The following IGFLR1 variants were observed in gnomAD, a reference collection of about 807,000 sequenced individuals.
IGFLR1 encodes the protein IGF like family receptor 1, also known as IGF-like family receptor 1.
IGFLR1 carries 17 observed loss-of-function variants against 23.4 expected under a neutral mutation model. That is an observed-to-expected ratio of 0.73 (90% CI 0.50 to 1.09). The LOEUF (loss-of-function observed/expected upper bound fraction) is 1.09, where lower values mean the gene tolerates loss of function less well. Among genes scored for constraint, IGFLR1 ranks in the 50% least tolerant of loss-of-function variants. IGFLR1 has a pLI of 0.00. For missense variants in IGFLR1, 556 were observed against 459.2 expected (o/e 1.21, Z -1.93); for synonymous variants, 265 against 210.7 (o/e 1.26, Z -2.23).
chr19:35,741,816 C>CA (rs796886386), intron 1 of IGFLR1, among the ~76,000 whole-genome samples: 11 of 148,794 alleles, frequency 7.4e-5, no homozygotes, highest in South Asian at 2.1e-4. Flanking sequence ...TCTCTAAAAA[C>CA]AAAAAAAACT....
In IGFLR1 at chr19:35,739,067, G is replaced by T. The variant is rs944133312; in HGVS notation, c.*213C>A. ...CAACACAGCAACTGTCTGTAGCAGG[G>T]TTGTTTCCCAGAGGGGATTCTGGTG... On this transcript the variant is annotated 3_prime_UTR_variant, in exon 5 of 5. Transcript: ENST00000246532. 2 of 581,738 alleles carry T rather than the reference G, an allele frequency of 3.4e-6. No individual in the cohort carries two copies. The highest frequency in any genetic ancestry group is 6.1e-6 in the Non-Finnish European group (2 of 330,118). The allele number at this position is 581,738 out of a possible 1,614,324, so 36.0% of individuals were successfully genotyped here.
At position 35,739,056 on chromosome 19, in the gene IGFLR1, T is replaced by A; in HGVS notation, c.*224A>T. On this transcript the variant is annotated 3_prime_UTR_variant, in exon 5 of 5. Transcript: ENST00000246532. ...TCAGAACAACACAACACAGCAACTGTCTGTAGCAGGGTTGTTTCCCAGAGG... is the reference window on the plus strand; with the variant it reads ...TCAGAACAACACAACACAGCAACTGACTGTAGCAGGGTTGTTTCCCAGAGG... 1.7e-6 allele frequency: 1 copy of A among 574,462 alleles called. No individual in the cohort carries two copies. The highest frequency in any genetic ancestry group is 3.1e-6 in the Non-Finnish European group (1 of 325,546). 35.6% of individuals were successfully genotyped at this position (574,462 alleles called of 1,614,324 possible).
At chr19:35,741,320 GCC>G in intron 1 of IGFLR1, 97 bp from the exon 2 acceptor site, 1 of 1,291,722 alleles carries the variant, frequency 7.7e-7, no homozygotes, top group South Asian at 1.3e-5. Context: ...CTACCCCCGA[GCC>G]CTCATCCCCC....
intron 3 of IGFLR1, 110 bp downstream of exon 3, chr19:35,740,270 C>T (rs1970135724): frequency 3.7e-6 from 5 of 1,359,290 alleles, no homozygotes; most frequent in Non-Finnish European, 4.9e-6. Context: ...TGCAGGCCAG[C>T]CACCTCCTGA....
chr19:35,739,486 T>C lies in IGFLR1; in HGVS notation c.862A>G (p.Arg288Gly), dbSNP rs767869774. The C allele has an allele frequency of 6.2e-7, 1 of 1,613,978 alleles. No homozygotes were observed. Reference protein sequence around the residue: ...AHGTTRHLAARYGLPAAWSTF... With the variant: ...AHGTTRHLAAGYGLPAAWSTF... ...GACCAGGCAGCAGGCAGCCCATATC[T>C]TGCGGCCAGGTGTCGAGTAGTGCCA... The change falls in exon 5 of 5, where the codon AGA becomes GGA. Residue 288 changes from arginine (R) to glycine (G), a missense_variant. Coordinates refer to ENST00000246532, the MANE Select transcript of IGFLR1 (RefSeq NM_024660.4).
rs1481073249 is a variant in IGFLR1, at chr19:35,739,824, C to CA, written c.606_607insT (p.Val203CysfsTer54). On this transcript the variant is annotated frameshift_variant, in exon 4 of 5. Coordinates refer to ENST00000246532, the MANE Select transcript of IGFLR1 (RefSeq NM_024660.4). LOFTEE classifies it high-confidence loss of function. ...GTGTGGGTGTTGGGGACTCCGCAGA[C>CA]CAAGCCAGGATAGGGATAGGGGTCG... The CA allele has an allele frequency of 6.2e-7, 1 of 1,605,542 alleles. No individual in the cohort carries two copies.
chr19:35,740,282 ACCACGGCC>A, intron 3 of IGFLR1, 90 bp downstream of exon 3: 1 of 1,392,716 alleles, frequency 7.2e-7, no homozygotes, highest in Non-Finnish European at 9.5e-7. Flanking sequence ...ACCTCCTGAA[ACCACGGCC>A]CCACCCCTTA....
At position 35,742,434 on chromosome 19, in the gene IGFLR1, C is replaced by T. The variant is rs1330377403; in HGVS notation, c.-82G>A. 6.5e-7 allele frequency: 1 copy of T among 1,536,318 alleles called. No homozygotes were observed. Among genetic ancestry groups the T allele is most frequent in the South Asian group, 1.2e-5 (1 of 83,372 alleles). On this transcript the variant is annotated 5_prime_UTR_variant, in exon 1 of 5. Coordinates refer to ENST00000246532, the MANE Select transcript of IGFLR1 (RefSeq NM_024660.4). ...GGTCCCAAGCTGGCCGTGCCAAGTTCCTCAGCTGAAGTTGTGGCCAGGACC... is the reference window on the plus strand; with the variant it reads ...GGTCCCAAGCTGGCCGTGCCAAGTTTCTCAGCTGAAGTTGTGGCCAGGACC...
In IGFLR1 at chr19:35,739,337, C is replaced by G. The variant is rs536283902; in HGVS notation, c.1011G>C (p.Arg337=). 1 of 1,610,134 alleles carries G rather than the reference C, an allele frequency of 6.2e-7. No homozygotes were observed. Among genetic ancestry groups the G allele is most frequent in the Non-Finnish European group, 8.5e-7 (1 of 1,178,200 alleles). ...QLGTHLAQLG[R]ADALRVLSKL... ...TGGACAGCACCCGCAATGCATCTGC[C>G]CGCCCTAGCTGGGCGAGGTGTGTGC... The change falls in exon 5 of 5, where the codon CGG becomes CGC. Residue 337 remains arginine (R), a synonymous_variant. Transcript: ENST00000246532.
At chr19:35,741,306 G>A (rs1046369923) in intron 1 of IGFLR1, 83 bp from the exon 2 acceptor site, 11 of 1,417,440 alleles carry the variant, frequency 7.8e-6, no homozygotes, top group Admixed American at 2.0e-5. Flanking sequence ...CGGAAGCCGG[G>A]AATCTACCCC....
In IGFLR1 at chr19:35,742,409, G is replaced by C. The variant is rs540318327; in HGVS notation, c.-57C>G. On this transcript the variant is annotated 5_prime_UTR_variant, in exon 1 of 5. Transcript: ENST00000246532. ...CCCTACCAGTACCGTTAGGGTCCTG[G>C]GTCCCAAGCTGGCCGTGCCAAGTTC... The C allele has an allele frequency of 5.2e-6, 8 of 1,533,052 alleles. No individual in the cohort carries two copies. The African/African-American group carries it at 1.1e-4, about 21-fold the overall frequency. The allele number at this position is 1,533,052 out of a possible 1,614,324, so 95.0% of individuals were successfully genotyped here.
rs533958107 is a variant in IGFLR1 at position 35,739,544 on chromosome 19, G to T, written c.804C>A (p.Asp268Glu). ...EVLEELIVLL[D>E]PEPGPGGGMA... Reference sequence around the variant, plus strand: ...TACCCCCACCTGGCCCAGGCTCAGGGTCCAGCAGTACAATCAGCTCTTCCA... The same window carrying T: ...TACCCCCACCTGGCCCAGGCTCAGGTTCCAGCAGTACAATCAGCTCTTCCA... Residue 268 changes from aspartate (D) to glutamate (E), a missense_variant, in exon 5 of 5, where the codon GAC (aspartate) becomes GAA (glutamate). Physicochemically the swap from Asp to Glu is conservative, Grantham distance 45 (BLOSUM62 2). Transcript: ENST00000246532. 15 of 1,614,008 alleles carry T rather than the reference G, an allele frequency of 9.3e-6. No individual in the cohort carries two copies. The highest frequency in any genetic ancestry group is 1.3e-5 in the Non-Finnish European group (15 of 1,180,046).
chr19:35,739,224 A>G lies in IGFLR1; in HGVS notation c.*56T>C. The G allele has an allele frequency of 7.1e-7, 1 of 1,403,380 alleles. No homozygotes were observed. 86.9% of individuals were successfully genotyped at this position (1,403,380 alleles called of 1,614,324 possible). A position where few individuals can be genotyped will look rare whatever the true frequency, so the allele number is the denominator to read the frequency against. On this transcript the variant is annotated 3_prime_UTR_variant, in exon 5 of 5. Transcript: ENST00000246532. ...CAATTAGGATTGTACTTCAAGAAGT[A>G]CTTCAGTGCTAATTGTATACTGGGC...
At chr19:35,742,276 C>A in intron 1 of IGFLR1, 120 bp downstream of exon 1, 1 of 770,264 alleles carries the variant, frequency 1.3e-6, no homozygotes, top group Non-Finnish European at 1.9e-6. Context: ...CCTTTGAATC[C>A]TAATCTCCTT....
intron 2 of IGFLR1, chr19:35,740,768 G>T: frequency 1.6e-6 from 1 of 641,100 alleles, no homozygotes; most frequent in Middle Eastern, 4.3e-4. Flanking sequence ...GCCCACTCCC[G>T]GCTTCTCTAC....
intron 2 of IGFLR1, 153 bp downstream of exon 2, chr19:35,740,871 G>C (rs964798308): frequency 2.7e-6 from 2 of 730,016 alleles, no homozygotes; most frequent in Non-Finnish European, 4.4e-6. Context: ...ATCTGCACAG[G>C]CTCTGCCTGC....
rs541938538 is a variant in IGFLR1 at position 35,738,977 on chromosome 19, G to T, written c.*303C>A. On this transcript the variant is annotated 3_prime_UTR_variant, in exon 5 of 5. Coordinates refer to ENST00000246532, the MANE Select transcript of IGFLR1 (RefSeq NM_024660.4). The surrounding 1 kb of genome is among the most constrained non-coding windows in gnomAD (Gnocchi z 8.7). ...CAAGGAAGTTCATCAGCCTCAACAGGTAGGTGAGGCCATCATTCAGAATTA... is the reference window on the plus strand; with the variant it reads ...CAAGGAAGTTCATCAGCCTCAACAGTTAGGTGAGGCCATCATTCAGAATTA... The T allele has an allele frequency of 2.1e-6, 1 of 465,834 alleles. No homozygotes were observed. The highest frequency in any genetic ancestry group is 3.8e-5 in the East Asian group (1 of 26,398). 28.9% of individuals were successfully genotyped at this position (465,834 alleles called of 1,614,324 possible).
chr19:35,739,960 G>A lies in IGFLR1; in HGVS notation c.471C>T (p.Ala157=). 2 of 1,614,150 alleles carry A rather than the reference G, an allele frequency of 1.2e-6. No homozygotes were observed. The highest frequency in any genetic ancestry group is 8.5e-7 in the Non-Finnish European group (1 of 1,180,012). ...WRTPEPVPQQ[A]WPNFLPLVVL... ...CCACGAGCGGAAGGAAATTCGGCCAGGCCTGCTGAGGGACAGGCTCAGGGG... is the reference window on the plus strand; with the variant it reads ...CCACGAGCGGAAGGAAATTCGGCCAAGCCTGCTGAGGGACAGGCTCAGGGG... Residue 157 remains alanine, a synonymous_variant, in exon 4 of 5, where the codon GCC becomes GCT. Transcript: ENST00000246532.
intron 1 of IGFLR1, chr19:35,741,426 G>A (rs1321397621): frequency 3.6e-6 from 2 of 552,526 alleles, no homozygotes; most frequent in East Asian, 3.2e-5. Flanking sequence ...CACCTCTGCC[G>A]TGTCCTCACC....
Sources: allele counts gnomAD v4.1 joint callset (sites outside exome capture counted in the v4.1 genomes callset), GRCh38; gene constraint gnomAD v4.1.1; non-coding constraint Gnocchi (gnomAD v3.1); transcripts MANE v1.5; gene names NCBI Gene and HGNC (gene_info 2026-07-23, HGNC 2026-07-21).